IL13RA2: variants seen among roughly 807,000 people sequenced by gnomAD.
The protein encoded by IL13RA2 is interleukin 13 receptor subunit alpha 2, also known as interleukin-13 receptor subunit alpha-2.
A neutral mutation model predicts 34.1 loss-of-function variants in IL13RA2; 25 were observed. The observed-to-expected ratio is 0.73, with a 90% CI of 0.53 to 1.03. The LOEUF (loss-of-function observed/expected upper bound fraction) is 1.03, where lower values mean the gene tolerates loss of function less well. Among genes scored for constraint, IL13RA2 ranks in the 50% least tolerant of loss-of-function variants. IL13RA2 has a pLI of 0.00. For synonymous variants in IL13RA2, 106 were observed against 100.4 expected, an observed-to-expected ratio of 1.06 and a Z score of -0.33; for missense variants, 297 against 280.9, an observed-to-expected ratio of 1.06 and a Z score of -0.41.
intron 8 of IL13RA2, among the ~76,000 whole-genome samples, chrX:115,006,793 A>G (rs1487461785): frequency 8.9e-6 from 1 of 112,448 alleles, no homozygotes; most frequent in Non-Finnish European, 1.9e-5. Flanking sequence ...GATATGGCTA[A>G]AAACTCACCA....
At chrX:115,007,804 A>T (rs892349342) in intron 8 of IL13RA2, 128 bp downstream of exon 8, 1 of 457,166 alleles carries the variant, frequency 2.2e-6, no homozygotes, top group East Asian at 3.9e-5. Flanking sequence ...GTGCTCCCTA[A>T]CTTATTCTCT....
rs2071724517 is a variant in IL13RA2, at chrX:115,015,751, G to A, written c.165C>T (p.Pro55=). 1 of 1,185,239 alleles carries A rather than the reference G, an allele frequency of 8.4e-7. No individual in the cohort carries two copies. Among genetic ancestry groups the A allele is most frequent in the Non-Finnish European group, 1.1e-6 (1 of 872,878 alleles). Residue 55 remains proline, a synonymous_variant, in exon 3 of 10, where the codon CCC becomes CCT. Transcript: ENST00000243213. ...CCTTAAAATGATCCAGAGACAGTGG[G>A]GGTTGCCATTGCAAATAGAGATAAC... ...YLGYLYLQWQ[P]PLSLDHFKEC... is the part of the protein sequence containing the mutation.
chrX:115,016,012 T>C (rs1299250745), intron 2 of IL13RA2, among the ~76,000 whole-genome samples, 191 bp from the exon 3 acceptor site: 1 of 111,736 alleles, frequency 8.9e-6, no homozygotes, highest in Non-Finnish European at 1.9e-5. Flanking sequence ...GGATGAACCT[T>C]GAGAACATTA....
chrX:115,013,804 A>G lies in IL13RA2; in HGVS notation c.486T>C (p.Gly162=), dbSNP rs781799640. The change falls in exon 5 of 10, where the codon GGT becomes GGC. Residue 162 remains glycine, a synonymous_variant. Coordinates refer to ENST00000243213, the MANE Select transcript of IL13RA2 (RefSeq NM_000640.3). ...AGTTGTAATTGGTATCAAGAAGTAC[A>G]CCTATGCCAGGTTTCCAAGAACAGA... ...YLLCSWKPGI[G]VLLDTNYNLF... The G allele has an allele frequency of 1.2e-5, 13 of 1,054,196 alleles. No individual in the cohort carries two copies. The highest frequency in any genetic ancestry group is 6.6e-6 in the Non-Finnish European group (5 of 755,361). The allele number at this position is 1,054,196 out of a possible 1,213,427, so 86.9% of individuals were successfully genotyped here. A position where few individuals can be genotyped will look rare whatever the true frequency, so the allele number is the denominator to read the frequency against.
At chrX:115,006,835 C>T (rs1345770209) in intron 8 of IL13RA2, among the ~76,000 whole-genome samples, 1 of 111,865 alleles carries the variant, frequency 8.9e-6, no homozygotes, top group Non-Finnish European at 1.9e-5. Context: ...TGACTAATGA[C>T]GAGATATAGT....
At chrX:115,009,442 C>T in intron 7 of IL13RA2, 79 bp downstream of exon 7, 1 of 822,090 alleles carries the variant, frequency 1.2e-6, no homozygotes, top group Non-Finnish European at 1.8e-6. Flanking sequence ...GTGGATGCAA[C>T]TGATTTTGGT....
At position 115,008,083 on chromosome X, in the gene IL13RA2, G is replaced by T; in HGVS notation, c.853-7C>A. 1.8e-6 allele frequency: 2 copies of T among 1,127,657 alleles called. No homozygotes were observed. The highest frequency in any genetic ancestry group is 2.4e-6 in the Non-Finnish European group (2 of 822,323). 92.9% of individuals were successfully genotyped at this position (1,127,657 alleles called of 1,213,427 possible). ...CATTTTCAACTGTAGCAGTCTGAAA[G>T]CCAAGGACAAAATCAGATGCCATTA... On this transcript the variant is annotated splice_region_variant and splice_polypyrimidine_tract_variant and intron_variant, in intron 7 of 9. Coordinates refer to ENST00000243213, the MANE Select transcript of IL13RA2 (RefSeq NM_000640.3).
rs2071702843 is a variant in IL13RA2 at position 115,010,751 on chromosome X, G to A, written c.599C>T (p.Pro200Leu). The change falls in exon 6 of 10, where the codon CCC (proline) becomes CTC (leucine). Residue 200 changes from proline to leucine, a missense_variant. By Grantham distance (98) the Pro-to-Leu change is moderately conservative (BLOSUM62 -3). Coordinates refer to ENST00000243213, the MANE Select transcript of IL13RA2 (RefSeq NM_000640.3). ...ADGQNIGCRF[P>L]YLEASDYKDF... ...TTTATAGTCTGATGCCTCCAAATAG[G>A]GAAATCTGCATCCTATATTTTGTCC... 2 of 1,096,178 alleles carry A rather than the reference G, an allele frequency of 1.8e-6. No homozygotes were observed. Among genetic ancestry groups the A allele is most frequent in the Admixed American group, 4.6e-5 (2 of 43,609 alleles). 90.3% of individuals were successfully genotyped at this position (1,096,178 alleles called of 1,213,427 possible).
At chrX:115,004,341 T>G (rs1048730966) in intron 9 of IL13RA2, among the ~76,000 whole-genome samples, 4 of 107,790 alleles carry the variant, frequency 3.7e-5, no homozygotes, top group African/African-American at 1.4e-4. Context: ...GTGGGAGGAA[T>G]TGCTTGAGCC....
At chrX:115,010,176 G>GA (rs2071700645) in intron 6 of IL13RA2, among the ~76,000 whole-genome samples, 2 of 111,211 alleles carry the variant, frequency 1.8e-5, no homozygotes, top group African/African-American at 6.5e-5. Context: ...CACACGACTA[G>GA]AAAAATGGTA....
intron 9 of IL13RA2, among the ~76,000 whole-genome samples, chrX:115,004,702 C>T (rs376052898): frequency 7.2e-5 from 8 of 111,340 alleles, no homozygotes; most frequent in Admixed American, 6.7e-4. Flanking sequence ...ATTATCTGCA[C>T]GACTCAAATG....
At chrX:115,010,569 C>T in intron 6 of IL13RA2, 75 bp downstream of exon 6, 1 of 483,730 alleles carries the variant, frequency 2.1e-6, no homozygotes. Flanking sequence ...TTTTCTCTCT[C>T]TCACCCTCTC....
At chrX:115,008,353 G>A (rs1168460629) in intron 7 of IL13RA2, among the ~76,000 whole-genome samples, 1 of 111,136 alleles carries the variant, frequency 9.0e-6, no homozygotes, top group Non-Finnish European at 1.9e-5. Context: ...AAATTCCTAG[G>A]TAGCCTTGGT....
At chrX:115,017,527 A>C (rs930055059) in intron 1 of IL13RA2, 26 bp downstream of exon 1, 4 of 269,879 alleles carry the variant, frequency 1.5e-5, no homozygotes, top group Non-Finnish European at 2.6e-5. Context: ...AAACAAAGCT[A>C]AGCAAAAACC....
At chrX:115,017,458 T>G (rs782545301) in intron 1 of IL13RA2, 95 bp downstream of exon 1, 1 of 376,150 alleles carries the variant, frequency 2.7e-6, no homozygotes, top group East Asian at 5.1e-5. Flanking sequence ...AATAATCAAG[T>G]TAGGAACCAA....
intron 8 of IL13RA2, 40 bp downstream of exon 8, chrX:115,007,892 A>G: frequency 2.4e-6 from 2 of 842,365 alleles, no homozygotes; most frequent in East Asian, 6.5e-5. Flanking sequence ...TTTTGCTAGC[A>G]AAGAGCTCAT....
Position 115,010,737 on chromosome X carries a change from A to C in IL13RA2, c.613T>G (p.Ser205Ala). Residue 205 changes from serine (S) to alanine (A), a missense_variant, in exon 6 of 10, where the codon TCA becomes GCA. Physicochemically the swap from Ser to Ala is moderately conservative, Grantham distance 99. Coordinates refer to ENST00000243213, the MANE Select transcript of IL13RA2 (RefSeq NM_000640.3). ...IGCRFPYLEA[S>A]DYKDFYICVN... The stretch of plus-strand genomic sequence containing the variant: ...CAAATATAGAAATCTTTATAGTCTG[A>C]TGCCTCCAAATAGGGAAATCTGCAT... 1 of 1,033,946 alleles carries C rather than the reference A, an allele frequency of 9.7e-7. No individual in the cohort carries two copies. The highest frequency in any genetic ancestry group is 1.4e-6 in the Non-Finnish European group (1 of 738,084). 85.2% of individuals were successfully genotyped at this position (1,033,946 alleles called of 1,213,427 possible). A position where few individuals can be genotyped will look rare whatever the true frequency, so the allele number is the denominator to read the frequency against.
intron 5 of IL13RA2, among the ~76,000 whole-genome samples, chrX:115,012,746 C>G (rs2071710701): frequency 9.4e-6 from 1 of 106,101 alleles, no homozygotes; most frequent in South Asian, 4.1e-4. Context: ...GCCTGTGTGA[C>G]AGAGGGAGAC....
intron 8 of IL13RA2, among the ~76,000 whole-genome samples, chrX:115,006,432 C>T (rs1005807486): frequency 8.9e-6 from 1 of 111,827 alleles, no homozygotes; most frequent in Admixed American, 9.5e-5. Flanking sequence ...CCTGTAATCT[C>T]AACACTTTGT....
Sources: allele counts gnomAD v4.1 joint callset (sites outside exome capture counted in the v4.1 genomes callset), GRCh38; gene constraint gnomAD v4.1.1; transcripts MANE v1.5; gene names NCBI Gene and HGNC (gene_info 2026-07-23, HGNC 2026-07-21).